Variants in RASGEF1A observed in about 807,000 individuals in gnomAD.
RASGEF1A encodes ras-GEF domain-containing family member 1A.
Under a neutral mutation model 56.4 loss-of-function variants are expected in RASGEF1A, and 18 were observed. The ratio of observed to expected loss-of-function variants is 0.32; its 90% CI spans 0.22 to 0.47. RASGEF1A has a LOEUF of 0.47. Ranked by LOEUF, RASGEF1A falls within the 20% of genes least tolerant of loss-of-function variation. The pLI is 1.00. For missense variants in RASGEF1A, 422 were observed against 627.1 expected, an observed-to-expected ratio of 0.67 and a Z score of 3.49; for synonymous variants, 245 against 242.6, an observed-to-expected ratio of 1.01 and a Z score of -0.09.
intron 1 of RASGEF1A, among the ~76,000 whole-genome samples, chr10:43,262,084 T>A (rs1008999666): frequency 1.3e-5 from 2 of 152,174 alleles, no homozygotes; most frequent in Middle Eastern, 6.8e-3. Flanking sequence ...ACATTCACAT[T>A]TGGCGGGTCT....
intron 1 of RASGEF1A, among the ~76,000 whole-genome samples, chr10:43,234,391 C>T (rs1259948489): frequency 6.6e-6 from 1 of 152,054 alleles, no homozygotes; most frequent in Admixed American, 6.5e-5. Context: ...ACCCTGCTCC[C>T]TCTTCTAAAA....
chr10:43,243,927 T>C (rs1320322122), intron 1 of RASGEF1A, among the ~76,000 whole-genome samples: 1 of 151,684 alleles, frequency 6.6e-6, no homozygotes, highest in African/African-American at 2.4e-5. Flanking sequence ...ATGACGATGG[T>C]GGTTTTGTTG....
At position 43,200,556 on chromosome 10, in the gene RASGEF1A, G is replaced by A. The variant is rs142878700; in HGVS notation, c.681+111C>T. ...AGTGTGGCAGTCAGGGCTGGCAAGC[G>A]CACTTCCCTGATGGCTCAGTGTGAC... is the stretch of plus-strand genomic sequence containing the variant. On this transcript the variant is annotated intron_variant, in intron 5 of 12. Transcript: ENST00000395810. 4.1e-3 allele frequency: 4,031 copies of A among 978,534 alleles called. 11 individuals carry two copies. Among genetic ancestry groups the A allele is most frequent in the Non-Finnish European group, 5.6e-3 (3,714 of 660,002 alleles). 60.6% of individuals were successfully genotyped at this position (978,534 alleles called of 1,614,324 possible). A position where few individuals can be genotyped will look rare whatever the true frequency, so the allele number is the denominator to read the frequency against.
intron 1 of RASGEF1A, among the ~76,000 whole-genome samples, chr10:43,223,738 A>C (rs935207825): frequency 6.6e-6 from 1 of 152,194 alleles, no homozygotes; most frequent in African/African-American, 2.4e-5. Context: ...GGAAAGAAGA[A>C]AGGGAGGGAG....
intron 1 of RASGEF1A, among the ~76,000 whole-genome samples, chr10:43,218,276 C>T (rs146249036): frequency 1.4e-3 from 207 of 152,368 alleles, no homozygotes; most frequent in Non-Finnish European, 2.4e-3. Context: ...TCTCACCTCC[C>T]ATGCAAGGGA....
intron 1 of RASGEF1A, among the ~76,000 whole-genome samples, chr10:43,260,944 A>C (rs1282687470): frequency 6.6e-6 from 1 of 152,160 alleles, no homozygotes; most frequent in Non-Finnish European, 1.5e-5. Context: ...CTGTAGTCGG[A>C]ACACTTGGCC....
At chr10:43,250,895 G>A (rs1185587133) in intron 1 of RASGEF1A, among the ~76,000 whole-genome samples, 2 of 152,186 alleles carry the variant, frequency 1.3e-5, no homozygotes, top group East Asian at 1.9e-4. Context: ...GCACTGACCC[G>A]CAACCCTGCT....
At chr10:43,216,307 GGGCTCC>G in intron 1 of RASGEF1A, among the ~76,000 whole-genome samples, 1 of 152,300 alleles carries the variant, frequency 6.6e-6, no homozygotes, top group East Asian at 1.9e-4. Context: ...GTGAGGGTCT[GGGCTCC>G]TCCCACCAGG....
chr10:43,226,992 A>C (rs1422396553), intron 1 of RASGEF1A, among the ~76,000 whole-genome samples: 1 of 152,060 alleles, frequency 6.6e-6, no homozygotes, highest in Non-Finnish European at 1.5e-5. Flanking sequence ...GGAGGCACGG[A>C]GGTGGGGAAC....
At chr10:43,233,792 C>T (rs2133212895) in intron 1 of RASGEF1A, among the ~76,000 whole-genome samples, 1 of 152,334 alleles carries the variant, frequency 6.6e-6, no homozygotes, top group East Asian at 1.9e-4. Context: ...GAGACTCACA[C>T]CAAAGGACAC....
intron 1 of RASGEF1A, among the ~76,000 whole-genome samples, chr10:43,213,499 AAG>A (rs1341351578): frequency 1.3e-5 from 2 of 152,186 alleles, no homozygotes; most frequent in Admixed American, 1.3e-4. Context: ...TTAAGAAAGT[AAG>A]AGGAGGGACC....
At chr10:43,209,190 C>T (rs1431452792) in intron 1 of RASGEF1A, 7 of 985,446 alleles carry the variant, frequency 7.1e-6, no homozygotes, top group South Asian at 4.7e-5. Flanking sequence ...CATGATACAC[C>T]GATGGCCAGG....
At chr10:43,229,146 C>T (rs2133208685) in intron 1 of RASGEF1A, among the ~76,000 whole-genome samples, 1 of 152,356 alleles carries the variant, frequency 6.6e-6, no homozygotes, top group South Asian at 2.1e-4. Flanking sequence ...GTGGGCTCCA[C>T]TCTCCCTAAA....
rs374053578 is a variant in RASGEF1A at position 43,201,950 on chromosome 10, G to T, written c.322-5C>A. 6.9e-6 allele frequency: 11 copies of T among 1,603,246 alleles called. No individual in the cohort carries two copies. The African/African-American group carries it at 1.5e-4, about 21-fold the overall frequency. Reference sequence around the variant, plus strand: ...TGAGAAAGACTTCAGCTTGGCCTGGGGCAGCAGGGGATACAGAGTAAGGCC... The same window carrying T: ...TGAGAAAGACTTCAGCTTGGCCTGGTGCAGCAGGGGATACAGAGTAAGGCC... On this transcript the variant is annotated splice_polypyrimidine_tract_variant and splice_region_variant and intron_variant, in intron 3 of 12. Coordinates refer to ENST00000395810, the MANE Select transcript of RASGEF1A (RefSeq NM_145313.4).
intron 3 of RASGEF1A, among the ~76,000 whole-genome samples, chr10:43,202,183 A>C (rs1369232591): frequency 1.3e-5 from 2 of 152,354 alleles, no homozygotes; most frequent in Admixed American, 1.3e-4. Context: ...CTTATATTAA[A>C]AAAACCCACC....
chr10:43,251,856 C>T (rs1161506468), intron 1 of RASGEF1A, among the ~76,000 whole-genome samples: 1 of 152,206 alleles, frequency 6.6e-6, no homozygotes, highest in Non-Finnish European at 1.5e-5. Context: ...CTGACCCTCA[C>T]AAGTACCAGT....
intron 1 of RASGEF1A, among the ~76,000 whole-genome samples, chr10:43,234,253 A>C (rs560871275): frequency 6.6e-6 from 1 of 152,312 alleles, no homozygotes; most frequent in Non-Finnish European, 1.5e-5. Context: ...GGACAGGTAG[A>C]AGCTGTCGGC....
chr10:43,254,318 C>T (rs1315148139), intron 1 of RASGEF1A, among the ~76,000 whole-genome samples: 3 of 152,234 alleles, frequency 2.0e-5, no homozygotes, highest in Non-Finnish European at 4.4e-5. Context: ...GGTAGACCCC[C>T]CCAGTGCTGG....
chr10:43,255,844 G>A (rs1840681842), intron 1 of RASGEF1A, among the ~76,000 whole-genome samples: 1 of 152,200 alleles, frequency 6.6e-6, no homozygotes, highest in South Asian at 2.1e-4. Context: ...TGGCTTCTCT[G>A]GGCTGGCTCC....
Sources: allele counts gnomAD v4.1 joint callset (sites outside exome capture counted in the v4.1 genomes callset), GRCh38; gene constraint gnomAD v4.1.1; transcripts MANE v1.5; gene names NCBI Gene and HGNC (gene_info 2026-07-23, HGNC 2026-07-21).